SHC4: variants seen among roughly 807,000 people sequenced by gnomAD.
SHC4 encodes the protein SHC-transforming protein 4.
In SHC4, 41 loss-of-function variants were observed where a neutral mutation model predicts 69.4. The ratio of observed to expected loss-of-function variants is 0.59; its 90% confidence interval spans 0.46 to 0.77. The LOEUF (loss-of-function observed/expected upper bound fraction) is 0.77, where lower values mean the gene tolerates loss of function less well. Among genes scored for constraint, SHC4 ranks in the 30% least tolerant of loss-of-function variants. The probability of loss-of-function intolerance (pLI) is 0.00; values close to 1 mark genes in which losing one functional copy is unlikely to be tolerated. For synonymous variants in SHC4, 318 were observed against 299.3 expected (o/e 1.06, Z -0.64); for missense variants, 777 against 783.8 (o/e 0.99, Z 0.10).
intron 4 of SHC4, among the ~76,000 whole-genome samples, chr15:48,882,045 G>A (rs1899956759): frequency 6.6e-6 from 1 of 152,136 alleles, no homozygotes; most frequent in African/African-American, 2.4e-5. Context: ...AGTGGGGATG[G>A]GGAAGGCATT....
At chr15:48,954,771 C>G (rs1484015494) in intron 1 of SHC4, among the ~76,000 whole-genome samples, 1 of 152,126 alleles carries the variant, frequency 6.6e-6, no homozygotes, top group African/African-American at 2.4e-5. Flanking sequence ...AGTTTTCGGC[C>G]CAGAGGCACC....
intron 4 of SHC4, chr15:48,878,100 C>A: frequency 6.7e-7 from 1 of 1,498,186 alleles, no homozygotes; most frequent in South Asian, 1.4e-5. Context: ...GCAGCCTTTG[C>A]GCACGCGCAC....
intron 2 of SHC4, among the ~76,000 whole-genome samples, chr15:48,898,360 G>A (rs1340744066): frequency 6.6e-6 from 1 of 152,170 alleles, no homozygotes; most frequent in African/African-American, 2.4e-5. Context: ...GGCATCACCC[G>A]TGTACTCTAG....
At chr15:48,888,652 G>A (rs1325460528) in intron 3 of SHC4, among the ~76,000 whole-genome samples, 1 of 152,090 alleles carries the variant, frequency 6.6e-6, no homozygotes, top group African/African-American at 2.4e-5. Context: ...CCAGCACTTT[G>A]GGAGGCTGAG....
chr15:48,912,090 C>T (rs903721888), intron 2 of SHC4, among the ~76,000 whole-genome samples: 5 of 152,152 alleles, frequency 3.3e-5, no homozygotes, highest in African/African-American at 1.2e-4. Flanking sequence ...TGATTAATTT[C>T]CCAGGTGTTC....
intron 1 of SHC4, among the ~76,000 whole-genome samples, chr15:48,940,624 T>A (rs1216004241): frequency 6.6e-6 from 1 of 152,200 alleles, no homozygotes; most frequent in Non-Finnish European, 1.5e-5. Flanking sequence ...ATGTCCCTAG[T>A]AGCAGCATCA....
At chr15:48,880,801 AT>A (rs1183976968) in intron 4 of SHC4, among the ~76,000 whole-genome samples, 1 of 152,216 alleles carries the variant, frequency 6.6e-6, no homozygotes, top group African/African-American at 2.4e-5. Flanking sequence ...GTGTAAAATT[AT>A]TTGTGTTTCT....
chr15:48,855,003 G>A lies in SHC4; in HGVS notation c.1242+950C>T, dbSNP rs141024719. 4.4e-4 allele frequency among the ~76,000 whole-genome samples: 67 copies of A among 152,134 alleles called. 1 individual carries two copies. In the Middle Eastern group the frequency reaches 0.02, roughly 46 times the overall value. The stretch of plus-strand genomic sequence containing the variant: ...TTAGTACACATGTACACAAAGAAGT[G>A]AACAATAGACACACTGGGGCCTATG... On this transcript the variant is annotated intron_variant, in intron 8 of 11. Transcript: ENST00000332408.
intron 2 of SHC4, among the ~76,000 whole-genome samples, chr15:48,907,925 A>G (rs1900439526): frequency 6.6e-6 from 1 of 151,702 alleles, no homozygotes; most frequent in Non-Finnish European, 1.5e-5. Flanking sequence ...GGTTGGTTCC[A>G]TGATTTTGCA....
chr15:48,961,206 A>C (rs988444448), intron 1 of SHC4, among the ~76,000 whole-genome samples: 9 of 152,208 alleles, frequency 5.9e-5, no homozygotes, highest in Non-Finnish European at 1.0e-4. Flanking sequence ...TGTCAAATAA[A>C]TCAACCAACT....
intron 1 of SHC4, among the ~76,000 whole-genome samples, chr15:48,949,054 A>T (rs1461982011): frequency 2.0e-5 from 3 of 151,604 alleles, no homozygotes; most frequent in Admixed American, 2.0e-4. Context: ...CTCCCATCCC[A>T]TCCTAGGCCA....
intron 4 of SHC4, chr15:48,878,753 A>C (rs1425630415): frequency 6.3e-7 from 1 of 1,598,332 alleles, no homozygotes; most frequent in Non-Finnish European, 8.6e-7. Flanking sequence ...AGATGCTGTT[A>C]AAAGAGGAGG....
chr15:48,862,738 C>G (rs748707563), intron 6 of SHC4, among the ~76,000 whole-genome samples: 1 of 152,200 alleles, frequency 6.6e-6, no homozygotes, highest in Non-Finnish European at 1.5e-5. Flanking sequence ...TCTTCCCACC[C>G]TCATGCCCCT....
intron 9 of SHC4, 95 bp from the exon 10 acceptor site, chr15:48,843,683 G>T (rs1018786235): frequency 1.6e-6 from 2 of 1,212,758 alleles, no homozygotes; most frequent in African/African-American, 3.1e-5. Context: ...AAACCTAAAG[G>T]CCATGCCCCA....
At chr15:48,915,033 C>T (rs72739902) in intron 2 of SHC4, among the ~76,000 whole-genome samples, 6,930 of 152,246 alleles carry the variant, frequency 0.046, 173 homozygotes, top group East Asian at 0.078. Context: ...AACATCTGTT[C>T]AAGTCCTCTG....
intron 1 of SHC4, among the ~76,000 whole-genome samples, chr15:48,939,777 C>T (rs1901140867): frequency 6.6e-6 from 1 of 152,234 alleles, no homozygotes; most frequent in African/African-American, 2.4e-5. Flanking sequence ...AAATACAGCT[C>T]AGGTCATGAA....
chr15:48,826,480 C>T (rs923368013), intron 11 of SHC4, among the ~76,000 whole-genome samples: 2 of 152,016 alleles, frequency 1.3e-5, no homozygotes, highest in Non-Finnish European at 2.9e-5. Flanking sequence ...AACTCCTGAG[C>T]GCCAATGCCC....
At chr15:48,950,978 C>G (rs1901356463) in intron 1 of SHC4, among the ~76,000 whole-genome samples, 1 of 152,080 alleles carries the variant, frequency 6.6e-6, no homozygotes, top group South Asian at 2.1e-4. Context: ...CACCCTCTCC[C>G]TAGGTGACCT....
At chr15:48,905,263 C>A (rs1389796503) in intron 2 of SHC4, among the ~76,000 whole-genome samples, 1 of 152,170 alleles carries the variant, frequency 6.6e-6, no homozygotes, top group African/African-American at 2.4e-5. Context: ...CTGAATCCTT[C>A]CAGCTCCAGG....
Sources: allele counts gnomAD v4.1 joint callset (sites outside exome capture counted in the v4.1 genomes callset), GRCh38; gene constraint gnomAD v4.1.1; transcripts MANE v1.5; gene names NCBI Gene and HGNC (gene_info 2026-07-23, HGNC 2026-07-21).